Variants in SDC1 observed in about 807,000 individuals in gnomAD.
SDC1 encodes the protein syndecan 1, also known as syndecan-1.
SDC1 carries 14 observed loss-of-function variants against 29.7 expected under a neutral mutation model. The observed-to-expected ratio is 0.47, with a 90% CI of 0.31 to 0.74. The LOEUF (loss-of-function observed/expected upper bound fraction) is 0.74. Ranked by LOEUF, SDC1 falls within the 30% of genes least tolerant of loss-of-function variation. The pLI is 0.05. For missense variants in SDC1, 406 were observed against 400.3 expected, an observed-to-expected ratio of 1.01 and a Z score of -0.12; for synonymous variants, 204 against 175.5, an observed-to-expected ratio of 1.16 and a Z score of -1.29.
At chr2:20,208,079 T>C in intron 1 of SDC1, 2 of 985,408 alleles carry the variant, frequency 2.0e-6, no homozygotes, top group Non-Finnish European at 2.4e-6. Context: ...GAGTGCCGAA[T>C]CTTTCAGCAG....
chr2:20,203,127 C>T lies in SDC1; in HGVS notation c.723G>A (p.Gly241=), dbSNP rs1372832567. 3.3e-5 allele frequency: 53 copies of T among 1,612,092 alleles called. No homozygotes were observed. The highest frequency in any genetic ancestry group is 4.2e-5 in the Non-Finnish European group (49 of 1,178,730). The change falls in exon 4 of 5, where the codon GGG becomes GGA. Residue 241 remains glycine (G), a synonymous_variant. Transcript: ENST00000254351. ...TCCTGTCCAGGAGGCCCTGTGAGGC[C>T]CCCGTGGCCCCCTGATCCACTGGGG... ...NQSPVDQGAT[G]ASQGLLDRKE...
At chr2:20,208,068 A>C in intron 1 of SDC1, 1 of 985,460 alleles carries the variant, frequency 1.0e-6, no homozygotes, top group Non-Finnish European at 1.2e-6. Flanking sequence ...GCTGCATTGT[A>C]GAGTGCCGAA....
intron 1 of SDC1, among the ~76,000 whole-genome samples, chr2:20,220,863 G>T (rs1558438895): frequency 6.6e-6 from 1 of 152,192 alleles, no homozygotes; most frequent in Non-Finnish European, 1.5e-5. Context: ...AATCAAACAT[G>T]TGGTGAAGAG....
rs930858068 is a variant in SDC1 at position 20,202,242 on chromosome 2, G to A, written c.*524C>T. The A allele has an allele frequency of 2.6e-6, 2 of 778,330 alleles. No homozygotes were observed. 48.2% of individuals were successfully genotyped at this position (778,330 alleles called of 1,614,324 possible). On this transcript the variant is annotated 3_prime_UTR_variant, in exon 5 of 5. Coordinates refer to ENST00000254351, the MANE Select transcript of SDC1 (RefSeq NM_002997.5). ...ACTGGGCTATGAACAAAGAACTAGA[G>A]GAAACATGTGCAAAAACAAGTCGAT...
At chr2:20,221,594 G>A (rs1677820691) in intron 1 of SDC1, among the ~76,000 whole-genome samples, 1 of 152,172 alleles carries the variant, frequency 6.6e-6, no homozygotes, top group Admixed American at 6.5e-5. Context: ...ATACTCGAGG[G>A]TAATAGGGAT....
intron 1 of SDC1, among the ~76,000 whole-genome samples, chr2:20,221,676 T>G (rs1455884613): frequency 6.6e-6 from 1 of 152,230 alleles, no homozygotes. Context: ...TCCAAAATTC[T>G]GCTGCAACAG....
intron 1 of SDC1, among the ~76,000 whole-genome samples, chr2:20,210,638 G>A (rs1677438353): frequency 6.6e-6 from 1 of 152,236 alleles, no homozygotes; most frequent in African/African-American, 2.4e-5. Flanking sequence ...CCCGGCTTCT[G>A]TGGGAGCCCA....
At chr2:20,218,972 G>A (rs1269584188) in intron 1 of SDC1, among the ~76,000 whole-genome samples, 1 of 152,192 alleles carries the variant, frequency 6.6e-6, no homozygotes, top group Non-Finnish European at 1.5e-5. Flanking sequence ...TAAAAGCCAG[G>A]AGGTCAGAGA....
intron 3 of SDC1, 128 bp downstream of exon 3, chr2:20,203,685 G>A (rs780376422): frequency 1.1e-4 from 78 of 735,958 alleles, no homozygotes; most frequent in Non-Finnish European, 1.5e-4. Context: ...AGGGGAAGGC[G>A]GGCCCCTGTG....
chr2:20,223,656 G>A (rs906937680), intron 1 of SDC1, among the ~76,000 whole-genome samples: 1 of 152,212 alleles, frequency 6.6e-6, no homozygotes, highest in Non-Finnish European at 1.5e-5. Context: ...GGCCCGCGCT[G>A]ACACCTGGCT....
chr2:20,215,463 T>C (rs757050878), intron 1 of SDC1, among the ~76,000 whole-genome samples: 1 of 152,248 alleles, frequency 6.6e-6, no homozygotes, highest in Non-Finnish European at 1.5e-5. Context: ...GCAAAAGCCA[T>C]GTTTGCAGGC....
Position 20,225,017 on chromosome 2 carries a change from C to A in SDC1, c.-150G>T, listed in dbSNP as rs971740324. 2.5e-5 allele frequency: 24 copies of A among 958,352 alleles called. 1 individual carries two copies. The Middle Eastern group carries it at 3.6e-3, about 145-fold the overall frequency. 59.4% of individuals were successfully genotyped at this position (958,352 alleles called of 1,614,324 possible). A position where few individuals can be genotyped will look rare whatever the true frequency, so the allele number is the denominator to read the frequency against. The stretch of plus-strand genomic sequence containing the variant: ...GGCTGCAGGGTCCGCCGGCTGGAGT[C>A]CGCTCTCTACTGCCGGATTCCTCTC... On this transcript the variant is annotated 5_prime_UTR_variant, in exon 1 of 5. Transcript: ENST00000254351.
chr2:20,209,259 G>A (rs555991073), intron 1 of SDC1, among the ~76,000 whole-genome samples: 9 of 152,268 alleles, frequency 5.9e-5, no homozygotes, highest in Admixed American at 4.6e-4. Context: ...ATGAGGCAGC[G>A]GGGCTGAGAT....
chr2:20,219,824 GT>G (rs1677756769), intron 1 of SDC1, among the ~76,000 whole-genome samples: 1 of 152,220 alleles, frequency 6.6e-6, no homozygotes, highest in African/African-American at 2.4e-5. Context: ...CTCATGGGCT[GT>G]CCCCACCCCC....
chr2:20,218,878 G>A (rs958314815), intron 1 of SDC1, among the ~76,000 whole-genome samples: 1 of 152,040 alleles, frequency 6.6e-6, no homozygotes, highest in African/African-American at 2.4e-5. Flanking sequence ...ACCCTCAGGT[G>A]AATCACTAGG....
chr2:20,212,355 T>C (rs912078824), intron 1 of SDC1, among the ~76,000 whole-genome samples: 1 of 152,124 alleles, frequency 6.6e-6, no homozygotes, highest in African/African-American at 2.4e-5. Context: ...GTGGGACTCG[T>C]GGGAGTAGGC....
rs1677096237 is a variant in SDC1 at position 20,203,145 on chromosome 2, C to T, written c.705G>A (p.Val235=). The change falls in exon 4 of 5, where the codon GTG becomes GTA. Residue 235 remains valine (V), a synonymous_variant. Coordinates refer to ENST00000254351, the MANE Select transcript of SDC1 (RefSeq NM_002997.5). ...GTGAGGCCCCCGTGGCCCCCTGATC[C>T]ACTGGGGACTGGTTCCGGCGGTCAG... The part of the protein sequence containing the change: ...VEPDRRNQSP[V]DQGATGASQG... 2.5e-6 allele frequency: 4 copies of T among 1,612,848 alleles called. No individual in the cohort carries two copies. The highest frequency in any genetic ancestry group is 3.4e-6 in the Non-Finnish European group (4 of 1,179,402).
Position 20,204,368 on chromosome 2 carries a change from G to A in SDC1, c.149-77C>T, listed in dbSNP as rs149864760. The A allele has an allele frequency of 3.5e-4, 319 of 917,206 alleles. No individual in the cohort carries two copies. The African/African-American group carries it at 4.4e-3, about 13-fold the overall frequency. The allele number at this position is 917,206 out of a possible 1,614,324, so 56.8% of individuals were successfully genotyped here. On this transcript the variant is annotated intron_variant, in intron 2 of 4. Coordinates refer to ENST00000254351, the MANE Select transcript of SDC1 (RefSeq NM_002997.5). Reference sequence around the variant, plus strand: ...AGAAGCAGAGTGTGTTGGGTGGGTCGGGGGAGGCTCCAGAGCACCTGGGCT... The same window carrying A: ...AGAAGCAGAGTGTGTTGGGTGGGTCAGGGGAGGCTCCAGAGCACCTGGGCT...
At chr2:20,208,434 G>C (rs991211133) in intron 1 of SDC1, among the ~76,000 whole-genome samples, 1 of 152,188 alleles carries the variant, frequency 6.6e-6, no homozygotes, top group African/African-American at 2.4e-5. Context: ...TGGGCCTTCA[G>C]TCTCCACTAA....
Sources: gnomAD v4.1 joint callset for allele counts (sites outside exome capture counted in the v4.1 genomes callset) on GRCh38, gnomAD v4.1.1 for gene constraint, MANE v1.5 for transcripts, NCBI Gene and HGNC (gene_info 2026-07-23, HGNC 2026-07-21) for gene names.